AP3S1: variants seen among roughly 807,000 people sequenced by gnomAD.
AP3S1 encodes the protein adaptor related protein complex 3 subunit sigma 1, also known as AP-3 complex subunit sigma-1.
A neutral mutation model predicts 21.3 loss-of-function variants in AP3S1; 12 were observed. The observed-to-expected ratio is 0.56, with a 90% CI of 0.36 to 0.91. AP3S1 has a LOEUF of 0.91. AP3S1 is among the 40% of genes least tolerant of loss of function. The pLI, the probability that AP3S1 is intolerant of heterozygous loss-of-function variation, is 0.01. For missense variants in AP3S1, 116 were observed against 225.0 expected, an observed-to-expected ratio of 0.52 and a Z score of 3.10; for synonymous variants, 48 against 78.4, an observed-to-expected ratio of 0.61 and a Z score of 2.05.
intron 4 of AP3S1, 59 bp from the exon 5 acceptor site, chr5:115,902,826 C>T (rs1429765443): frequency 8.0e-7 from 1 of 1,250,036 alleles, no homozygotes; most frequent in Non-Finnish European, 1.1e-6. Flanking sequence ...AAAAGTGAAT[C>T]ATGAAACTTC....
intron 3 of AP3S1, among the ~76,000 whole-genome samples, chr5:115,890,877 C>T (rs960300398): frequency 6.6e-6 from 1 of 152,136 alleles, no homozygotes; most frequent in South Asian, 2.1e-4. Flanking sequence ...TAGGAAAAGA[C>T]CTTTCCCAGC....
At chr5:115,855,994 A>T (rs1000062075) in intron 1 of AP3S1, among the ~76,000 whole-genome samples, 1 of 152,128 alleles carries the variant, frequency 6.6e-6, no homozygotes, top group Admixed American at 6.5e-5. Flanking sequence ...TGTTTTTTTT[A>T]AAGTTTATTT....
At chr5:115,887,618 C>A (rs920151088) in intron 3 of AP3S1, among the ~76,000 whole-genome samples, 1 of 151,990 alleles carries the variant, frequency 6.6e-6, no homozygotes, top group African/African-American at 2.4e-5. Flanking sequence ...TTTTGTGAGA[C>A]ATTGTTGTAA....
At chr5:115,890,484 G>A (rs1025365403) in intron 3 of AP3S1, among the ~76,000 whole-genome samples, 1 of 152,168 alleles carries the variant, frequency 6.6e-6, no homozygotes, top group Admixed American at 6.5e-5. Flanking sequence ...TTGGGTATTG[G>A]TTACCTTTGA....
At chr5:115,868,235 G>A (rs1747873048) in intron 2 of AP3S1, among the ~76,000 whole-genome samples, 1 of 152,108 alleles carries the variant, frequency 6.6e-6, no homozygotes, top group Admixed American at 6.6e-5. Context: ...TGGCCTTTTT[G>A]AAACTTATAT....
intron 1 of AP3S1, among the ~76,000 whole-genome samples, chr5:115,854,918 T>C (rs1407295220): frequency 6.6e-6 from 1 of 152,174 alleles, no homozygotes; most frequent in East Asian, 1.9e-4. Context: ...GTATGTTATT[T>C]GTACTACTCT....
chr5:115,859,899 G>A (rs1002830134), intron 1 of AP3S1, among the ~76,000 whole-genome samples: 1 of 152,160 alleles, frequency 6.6e-6, no homozygotes, highest in Non-Finnish European at 1.5e-5. Flanking sequence ...CATGTTTTCA[G>A]TGTGGTCCCT....
intron 1 of AP3S1, among the ~76,000 whole-genome samples, chr5:115,846,821 A>C (rs545109249): frequency 1.2e-4 from 18 of 152,284 alleles, no homozygotes; most frequent in Admixed American, 2.6e-4. Context: ...AGAAAATTCC[A>C]TACGATTTGG....
Position 115,861,046 on chromosome 5 carries a change from T to C in AP3S1, c.70-5624T>C, listed in dbSNP as rs150704796. Among the ~76,000 whole-genome samples the C allele has an allele frequency of 8.6e-4, 131 of 152,330 alleles. 1 individual carries two copies. The highest frequency in any genetic ancestry group is 3.1e-3 in the African/African-American group (127 of 41,588). ...TTGCTGAGCATTTCAAATACAAAGC[T>C]CAGGTTCCGGTGTTAGAATTCAGAC... On this transcript the variant is annotated intron_variant, in intron 1 of 5. Transcript: ENST00000316788.
chr5:115,868,820 T>A (rs1190114810), intron 2 of AP3S1, among the ~76,000 whole-genome samples: 1 of 151,068 alleles, frequency 6.6e-6, no homozygotes, highest in African/African-American at 2.4e-5. Flanking sequence ...AGGCAGAGGC[T>A]GCAGTGAGCT....
intron 1 of AP3S1, among the ~76,000 whole-genome samples, chr5:115,862,216 G>C (rs1763251231): frequency 1.3e-5 from 2 of 151,910 alleles, no homozygotes; most frequent in Admixed American, 1.3e-4. Context: ...GTCAACTCTT[G>C]CAAGGGTCTA....
intron 3 of AP3S1, among the ~76,000 whole-genome samples, chr5:115,890,452 A>G (rs1750197288): frequency 6.6e-6 from 1 of 152,222 alleles, no homozygotes; most frequent in Non-Finnish European, 1.5e-5. Context: ...CATAGATAAA[A>G]TGTATTCATA....
At chr5:115,861,626 C>G (rs1763189586) in intron 1 of AP3S1, among the ~76,000 whole-genome samples, 1 of 151,906 alleles carries the variant, frequency 6.6e-6, no homozygotes, top group Non-Finnish European at 1.5e-5. Flanking sequence ...ATGATCTTGG[C>G]TCACTGTAAC....
chr5:115,878,744 G>A (rs1285565841), intron 3 of AP3S1, among the ~76,000 whole-genome samples: 1 of 152,144 alleles, frequency 6.6e-6, no homozygotes, highest in Admixed American at 6.5e-5. Flanking sequence ...AAAGTCAATG[G>A]TAGCTTGATG....
chr5:115,885,586 A>G (rs1279726826), intron 3 of AP3S1, among the ~76,000 whole-genome samples: 2 of 152,180 alleles, frequency 1.3e-5, no homozygotes, highest in Non-Finnish European at 2.9e-5. Flanking sequence ...AGCCAGTTGG[A>G]TGGTGCCCAC....
chr5:115,855,361 C>T (rs1373301076), intron 1 of AP3S1, among the ~76,000 whole-genome samples: 3 of 151,224 alleles, frequency 2.0e-5, no homozygotes, highest in Non-Finnish European at 4.4e-5. Context: ...TTTTATTCAA[C>T]CAGGGCCTCG....
At chr5:115,886,740 C>G (rs776458819) in intron 3 of AP3S1, among the ~76,000 whole-genome samples, 3 of 152,144 alleles carry the variant, frequency 2.0e-5, no homozygotes, top group Non-Finnish European at 4.4e-5. Context: ...CAAGTAAATG[C>G]TAGCTGTTAT....
intron 3 of AP3S1, among the ~76,000 whole-genome samples, chr5:115,875,671 C>T (rs531334726): frequency 4.5e-4 from 68 of 152,290 alleles, no homozygotes; most frequent in Middle Eastern, 3.4e-3. Flanking sequence ...GCCTAGCGAG[C>T]TTATTTTCCA....
chr5:115,888,702 G>A lies in AP3S1; in HGVS notation c.274-6385G>A, dbSNP rs1387798808. On this transcript the variant is annotated intron_variant, in intron 3 of 5. Transcript: ENST00000316788. ...TTTCTTCCTAAGTTAACAAATTACA[G>A]TGTCTTGGTAGTTGTGGCATGTAGT... Among the ~76,000 whole-genome samples the A allele has an allele frequency of 4.6e-5, 7 of 152,036 alleles. No homozygotes were observed. The East Asian group carries it at 1.4e-3, about 29-fold the overall frequency.
Sources: allele counts gnomAD v4.1 joint callset (sites outside exome capture counted in the v4.1 genomes callset), GRCh38; gene constraint gnomAD v4.1.1; transcripts MANE v1.5; gene names NCBI Gene and HGNC (gene_info 2026-07-23, HGNC 2026-07-21).